The following SEMA3E variants were observed in gnomAD, a reference collection of about 807,000 sequenced individuals.
SEMA3E encodes the protein semaphorin-3E.
A neutral mutation model predicts 93.6 loss-of-function variants in SEMA3E; 49 were observed. The ratio of observed to expected loss-of-function variants is 0.52; its 90% CI spans 0.42 to 0.66. The LOEUF (loss-of-function observed/expected upper bound fraction) is 0.66. Ranked by LOEUF, SEMA3E falls within the 30% of genes least tolerant of loss-of-function variation. The pLI is 0.00. For synonymous variants in SEMA3E, 363 were observed against 330.7 expected, an observed-to-expected ratio of 1.10 and a Z score of -1.06; for missense variants, 906 against 964.8, an observed-to-expected ratio of 0.94 and a Z score of 0.81.
At chr7:83,387,369 G>C (rs1483870251) in intron 14 of SEMA3E, among the ~76,000 whole-genome samples, 1 of 152,072 alleles carries the variant, frequency 6.6e-6, no homozygotes, top group Admixed American at 6.6e-5. Flanking sequence ...AGAATGTCTT[G>C]AATGGTAAGG....
chr7:83,557,575 G>T, intron 1 of SEMA3E, among the ~76,000 whole-genome samples: 1 of 151,908 alleles, frequency 6.6e-6, no homozygotes. Flanking sequence ...TTGAAACAAA[G>T]CATTAGTTAA....
intron 5 of SEMA3E, among the ~76,000 whole-genome samples, chr7:83,417,402 A>G (rs902151125): frequency 2.0e-5 from 3 of 152,128 alleles, no homozygotes; most frequent in Non-Finnish European, 4.4e-5. Flanking sequence ...CAAGTATAAT[A>G]TGGTTTAATC....
chr7:83,483,126 A>AG (rs1431994874), intron 2 of SEMA3E, among the ~76,000 whole-genome samples: 2 of 152,190 alleles, frequency 1.3e-5, no homozygotes, highest in African/African-American at 4.8e-5. Flanking sequence ...CAGAAAAAAA[A>AG]AAAAGTCATT....
chr7:83,388,925 T>G (rs1787938703), intron 14 of SEMA3E, among the ~76,000 whole-genome samples: 1 of 151,878 alleles, frequency 6.6e-6, no homozygotes, highest in Non-Finnish European at 1.5e-5. Context: ...TTTAACATAT[T>G]AATAGATATT....
chr7:83,388,037 A>T (rs1316402093), intron 14 of SEMA3E, among the ~76,000 whole-genome samples: 1 of 148,180 alleles, frequency 6.7e-6, no homozygotes, highest in African/African-American at 2.4e-5. Context: ...TTAGCCGGGC[A>T]TGGTGGCTCA....
At chr7:83,409,218 G>A (rs1329079100) in intron 5 of SEMA3E, among the ~76,000 whole-genome samples, 1 of 152,124 alleles carries the variant, frequency 6.6e-6, no homozygotes, top group Non-Finnish European at 1.5e-5. Context: ...TGTGTCTTTT[G>A]AGTAAGAAAA....
At chr7:83,476,931 G>A (rs1214284826) in intron 2 of SEMA3E, among the ~76,000 whole-genome samples, 1 of 152,084 alleles carries the variant, frequency 6.6e-6, no homozygotes, top group African/African-American at 2.4e-5. Flanking sequence ...TAATCATTCC[G>A]CTGCACATTA....
At position 83,367,835 on chromosome 7, in the gene SEMA3E, C is replaced by G; in HGVS notation, c.2079G>C (p.Arg693Ser). ...NKDDEEDRHH[R>S]MPCPAQSSIS... ...TGCTACTCTGAGCAGGACAAGGCAT[C>G]CTGTGATGCCTGTCCTCCTCATCGT... The change falls in exon 17 of 17, where the codon AGG becomes AGC. Residue 693 changes from arginine (R) to serine (S), a missense_variant. Coordinates refer to ENST00000643230, the MANE Select transcript of SEMA3E (RefSeq NM_012431.3). 6.2e-7 allele frequency: 1 copy of G among 1,613,734 alleles called. No individual in the cohort carries two copies. The highest frequency in any genetic ancestry group is 1.3e-5 in the African/African-American group (1 of 75,014).
chr7:83,507,052 C>T (rs758645317), intron 1 of SEMA3E, among the ~76,000 whole-genome samples: 1 of 152,166 alleles, frequency 6.6e-6, no homozygotes, highest in Non-Finnish European at 1.5e-5. Flanking sequence ...GAATATCATT[C>T]CTGCCAGCTG....
chr7:83,635,086 T>C (rs1584378331), intron 1 of SEMA3E, among the ~76,000 whole-genome samples: 1 of 152,184 alleles, frequency 6.6e-6, no homozygotes, highest in East Asian at 1.9e-4. Flanking sequence ...AAAGTATTTG[T>C]GGTTACCATT....
chr7:83,396,881 C>T (rs1415104051), intron 11 of SEMA3E, 152 bp from the exon 12 acceptor site: 1 of 598,618 alleles, frequency 1.7e-6, no homozygotes, highest in African/African-American at 1.9e-5. Context: ...GAGTTCAAGA[C>T]TAGCCTGGCC....
chr7:83,462,589 C>T (rs1175271452), intron 4 of SEMA3E, among the ~76,000 whole-genome samples: 4 of 152,112 alleles, frequency 2.6e-5, no homozygotes, highest in African/African-American at 7.2e-5. Context: ...CCTTGGCGAC[C>T]GACCATGCAC....
At chr7:83,639,557 C>T (rs1402243000) in intron 1 of SEMA3E, among the ~76,000 whole-genome samples, 2 of 151,586 alleles carry the variant, frequency 1.3e-5, no homozygotes, top group African/African-American at 2.4e-5. Context: ...CAAAAAATTA[C>T]TCCTTGCCCT....
chr7:83,406,188 T>A, intron 7 of SEMA3E, 129 bp from the exon 8 acceptor site: 1 of 730,066 alleles, frequency 1.4e-6, no homozygotes, highest in Non-Finnish European at 2.5e-6. Context: ...TTGGCATAAT[T>A]CTCAAGTAAT....
At chr7:83,409,010 A>T (rs2115657151) in intron 5 of SEMA3E, among the ~76,000 whole-genome samples, 1 of 152,308 alleles carries the variant, frequency 6.6e-6, no homozygotes, top group East Asian at 1.9e-4. Context: ...AACAAAGATG[A>T]TATAATCCAA....
At chr7:83,555,953 A>G (rs1399604153) in intron 1 of SEMA3E, among the ~76,000 whole-genome samples, 4 of 152,128 alleles carry the variant, frequency 2.6e-5, no homozygotes, top group African/African-American at 9.7e-5. Flanking sequence ...CTCTTTTTCA[A>G]ACTGTATACT....
Position 83,394,663 on chromosome 7 carries a change from C to A in SEMA3E, c.1459-325G>T, listed in dbSNP as rs1045604170. Among the ~76,000 whole-genome samples the A allele has an allele frequency of 1.7e-4, 26 of 152,076 alleles. 1 individual carries two copies. The highest frequency in any genetic ancestry group is 9.2e-4 in the Admixed American group (14 of 15,246). Reference sequence around the variant, plus strand: ...GTATCTTTAAATAAAATAATAAAGTCAGAATGTTCTATTAAAGTAATTGAG... The same window carrying A: ...GTATCTTTAAATAAAATAATAAAGTAAGAATGTTCTATTAAAGTAATTGAG... On this transcript the variant is annotated intron_variant, in intron 12 of 16. Transcript: ENST00000643230.
At chr7:83,582,527 G>A (rs1274440733) in intron 1 of SEMA3E, among the ~76,000 whole-genome samples, 1 of 151,972 alleles carries the variant, frequency 6.6e-6, no homozygotes, top group Non-Finnish European at 1.5e-5. Context: ...GTAGACAGTT[G>A]CACCTCTAAT....
chr7:83,391,915 CTT>C (rs150498684), intron 14 of SEMA3E, among the ~76,000 whole-genome samples: 1 of 152,188 alleles, frequency 6.6e-6, no homozygotes, highest in African/African-American at 2.4e-5. Flanking sequence ...AATAAAAATA[CTT>C]TTTTTCCTGA....
Sources: gnomAD v4.1 joint callset for allele counts (sites outside exome capture counted in the v4.1 genomes callset) on GRCh38, gnomAD v4.1.1 for gene constraint, MANE v1.5 for transcripts, NCBI Gene and HGNC (gene_info 2026-07-23, HGNC 2026-07-21) for gene names.